The following RP1 variants were observed in gnomAD, a reference collection of about 807,000 sequenced individuals.
The protein encoded by RP1 is RP1 axonemal microtubule associated.
In RP1, 16 loss-of-function variants were observed where a neutral mutation model predicts 14.8. The ratio of observed to expected loss-of-function variants is 1.08; its 90% CI spans 0.73 to 1.65. RP1 has a LOEUF of 1.65. Among genes scored for constraint, RP1 ranks in the 40% most tolerant of loss-of-function variants. The probability of loss-of-function intolerance (pLI) is 0.00; values close to 1 mark genes in which losing one functional copy is unlikely to be tolerated. For synonymous variants in RP1, 876 were observed against 883.6 expected (o/e 0.99, Z 0.15); for missense variants, 2,631 against 2,535.0 (o/e 1.04, Z -0.81).
At chr8:54,642,071 G>T (rs569169875) in intron 3 of RP1, among the ~76,000 whole-genome samples, 1 of 152,176 alleles carries the variant, frequency 6.6e-6, no homozygotes, top group East Asian at 1.9e-4. Flanking sequence ...TTTCTGTTTG[G>T]CATCACTTAT....
intron 1 of RP1, among the ~76,000 whole-genome samples, chr8:54,609,157 G>C (rs1398366812): frequency 6.6e-6 from 1 of 152,160 alleles, no homozygotes; most frequent in Non-Finnish European, 1.5e-5. Context: ...CAAGAGCCAG[G>C]AAAGAACAGT....
At chr8:54,652,652 C>CAACACCT in intron 4 of RP1, 1 of 655,476 alleles carries the variant, frequency 1.5e-6, no homozygotes, top group South Asian at 1.8e-5. Flanking sequence ...TAGGTGTGCA[C>CAACACCT]ATGTTTATAA....
chr8:54,696,404 G>A (rs1807862940), intron 12 of RP1: 2 of 682,508 alleles, frequency 2.9e-6, no homozygotes, highest in Admixed American at 2.4e-5. Flanking sequence ...AAAGATGGCG[G>A]AGCAAGAGCA....
At position 54,693,277 on chromosome 8, in the gene RP1, C is replaced by T. The variant is rs926154366; in HGVS notation, c.1718-6190C>T. 1.1e-4 allele frequency among the ~76,000 whole-genome samples: 16 copies of T among 152,192 alleles called. No homozygotes were observed. In the East Asian group the frequency reaches 2.7e-3, roughly 26 times the overall value. On this transcript the variant is annotated intron_variant, in intron 12 of 22. Coordinates refer to the RP1 transcript ENST00000636932. ...GATGCCTCCAGCTTTGTTCTTTTGGCTTAGGATTGACTTGGTGATGCGGGC... is the reference window on the plus strand; with the variant it reads ...GATGCCTCCAGCTTTGTTCTTTTGGTTTAGGATTGACTTGGTGATGCGGGC...
chr8:54,710,863 G>A (rs1016071572), intron 15 of RP1, among the ~76,000 whole-genome samples: 26 of 152,090 alleles, frequency 1.7e-4, no homozygotes, highest in African/African-American at 6.0e-4. Context: ...TTTTGGAAAA[G>A]GCAACATTCG....
At chr8:54,650,350 G>A (rs1379022327) in intron 4 of RP1, among the ~76,000 whole-genome samples, 1 of 152,052 alleles carries the variant, frequency 6.6e-6, no homozygotes, top group Non-Finnish European at 1.5e-5. Flanking sequence ...TCTTGTAAGG[G>A]TTCTTAGGCA....
At chr8:54,703,187 T>C (rs1305645576) in intron 14 of RP1, among the ~76,000 whole-genome samples, 2 of 152,228 alleles carry the variant, frequency 1.3e-5, no homozygotes, top group African/African-American at 4.8e-5. Flanking sequence ...CAGTGTACTT[T>C]GCCCACAGCC....
chr8:54,572,800 C>T (rs1336638949), intron 1 of RP1, among the ~76,000 whole-genome samples: 4 of 152,150 alleles, frequency 2.6e-5, no homozygotes, highest in Non-Finnish European at 4.4e-5. Flanking sequence ...ATTCTTGGCT[C>T]ACCCTGCTGG....
At chr8:54,725,960 G>A (rs118129580) in intron 16 of RP1, among the ~76,000 whole-genome samples, 1,635 of 152,178 alleles carry the variant, frequency 0.011, 9 homozygotes, top group Non-Finnish European at 0.017. Context: ...ATTTCAGTAA[G>A]GTCACATGAA....
chr8:54,778,485 C>G (rs545658143), intron 23 of RP1, among the ~76,000 whole-genome samples: 2 of 151,810 alleles, frequency 1.3e-5, no homozygotes, highest in East Asian at 3.9e-4. Flanking sequence ...CCACCATGCC[C>G]GGCTAATTTT....
rs745530283 is a variant in RP1, at chr8:54,629,827, A to G, written c.5945A>G (p.Asp1982Gly). ...GCAAGTATGAGACAAAATCTTATTG[A>G]TAATGCCATTGGTGATATATTTGAT... ...NKASMRQNLI[D>G]NAIGDIFDQF... Residue 1982 changes from aspartate (D) to glycine (G), a missense_variant, in exon 4 of 4, where the codon GAT becomes GGT. By Grantham distance (94) the Asp-to-Gly change is moderately conservative. Coordinates refer to ENST00000220676, the MANE Select transcript of RP1 (RefSeq NM_006269.2). The G allele has an allele frequency of 5.0e-6, 8 of 1,613,052 alleles. No homozygotes were observed. Among genetic ancestry groups the G allele is most frequent in the African/African-American group, 4.0e-5 (3 of 74,862 alleles).
intron 1 of RP1, among the ~76,000 whole-genome samples, chr8:54,617,052 A>G (rs145290): frequency 0.28 from 43,070 of 152,208 alleles, 6,743 homozygotes; most frequent in East Asian, 0.65. Flanking sequence ...TTTAGGCAAT[A>G]AAGAGTCTCT....
rs558966613 is a variant in RP1 at position 54,601,971 on chromosome 8, G to T, written c.-12-18984G>T. On this transcript the variant is annotated intron_variant, in intron 1 of 22. Transcript: ENST00000636932. ...TACAGTTTCTTTCTTTCTTTCTGAG[G>T]TGTTCTAAACTTAGATCATTGTAAT... Among the ~76,000 whole-genome samples, 7 of 152,292 alleles carry T rather than the reference G, an allele frequency of 4.6e-5. No individual in the cohort carries two copies. The South Asian group carries it at 1.2e-3, about 27-fold the overall frequency.
At chr8:54,867,564 G>A (rs903364951) in intron 28 of RP1, among the ~76,000 whole-genome samples, 3 of 152,094 alleles carry the variant, frequency 2.0e-5, no homozygotes, top group African/African-American at 7.2e-5. Context: ...GTTGTTTGAG[G>A]ATTTCAGACA....
At chr8:54,794,988 G>A (rs986352921) in intron 24 of RP1, among the ~76,000 whole-genome samples, 1 of 151,876 alleles carries the variant, frequency 6.6e-6, no homozygotes, top group Non-Finnish European at 1.5e-5. Context: ...TACACAAAAA[G>A]GTGCTCAACA....
At chr8:54,622,417 A>G in intron 3 of RP1, 129 bp downstream of exon 3, 1 of 762,740 alleles carries the variant, frequency 1.3e-6, no homozygotes, top group South Asian at 1.5e-5. Flanking sequence ...GGATTTAAAA[A>G]CATTCTAAAC....
intron 27 of RP1, among the ~76,000 whole-genome samples, chr8:54,865,306 A>C (rs1231100838): frequency 6.6e-6 from 1 of 151,646 alleles, no homozygotes; most frequent in Non-Finnish European, 1.5e-5. Context: ...TTTTTTCTAT[A>C]CTTATCAGTT....
intron 7 of RP1, chr8:54,663,918 G>C: frequency 2.2e-6 from 3 of 1,357,504 alleles, no homozygotes; most frequent in Non-Finnish European, 2.9e-6. Context: ...AAGATTTACT[G>C]TTGTAACTAT....
chr8:54,835,733 T>A (rs1811640968), intron 24 of RP1, among the ~76,000 whole-genome samples: 3 of 152,256 alleles, frequency 2.0e-5, no homozygotes, highest in African/African-American at 7.2e-5. Context: ...CCAGCCAGGG[T>A]ACAAGCAACT....
Sources: gnomAD v4.1 joint callset for allele counts (sites outside exome capture counted in the v4.1 genomes callset) on GRCh38, gnomAD v4.1.1 for gene constraint, MANE v1.5 for transcripts, NCBI Gene and HGNC (gene_info 2026-07-23, HGNC 2026-07-21) for gene names.